The following KCNT2 variants were observed in gnomAD, a reference collection of about 807,000 sequenced individuals.
The protein encoded by KCNT2 is potassium sodium-activated channel subfamily T member 2, also known as potassium channel subfamily T member 2.
Under a neutral mutation model 153.8 loss-of-function variants are expected in KCNT2, and 67 were observed. The ratio of observed to expected loss-of-function variants is 0.44; its 90% CI spans 0.36 to 0.53. The LOEUF (loss-of-function observed/expected upper bound fraction) is 0.53. Among genes scored for constraint, KCNT2 ranks in the 20% least tolerant of loss-of-function variants. KCNT2 has a pLI of 0.00. For synonymous variants in KCNT2, 500 were observed against 458.8 expected, an observed-to-expected ratio of 1.09 and a Z score of -1.15; for missense variants, 975 against 1,354.8, an observed-to-expected ratio of 0.72 and a Z score of 4.40.
intron 14 of KCNT2, among the ~76,000 whole-genome samples, chr1:196,349,871 C>A (rs1415209889): frequency 6.6e-6 from 1 of 151,836 alleles, no homozygotes; most frequent in South Asian, 2.1e-4. Context: ...CCCCAGCCCA[C>A]AACAGTCCCC....
chr1:196,317,339 C>T (rs2148026474), intron 20 of KCNT2: 2 of 417,848 alleles, frequency 4.8e-6, no homozygotes, highest in African/African-American at 2.0e-5. Context: ...AACATCCAAC[C>T]ACTATGATGA....
At chr1:196,500,942 T>C (rs934536505) in intron 1 of KCNT2, among the ~76,000 whole-genome samples, 8 of 152,030 alleles carry the variant, frequency 5.3e-5, no homozygotes, top group Non-Finnish European at 1.0e-4. Flanking sequence ...GCCACAAACA[T>C]ATGCCACCAT....
At chr1:196,589,822 T>G (rs960526160) in intron 1 of KCNT2, among the ~76,000 whole-genome samples, 1 of 51,620 alleles carries the variant, frequency 1.9e-5, no homozygotes, top group Non-Finnish European at 8.7e-5. Context: ...TTTTAATTTA[T>G]GCATACAGAT....
chr1:196,286,364 G>C (rs1659656651), intron 22 of KCNT2, among the ~76,000 whole-genome samples: 1 of 152,014 alleles, frequency 6.6e-6, no homozygotes, highest in Non-Finnish European at 1.5e-5. Context: ...TATGAACTAG[G>C]AAATGGGCCC....
rs548695974 is a variant in KCNT2 at position 196,567,087 on chromosome 1, A to C, written c.95+41128T>G. On this transcript the variant is annotated intron_variant, in intron 1 of 27. Transcript: ENST00000294725. ...TTATCTATATAGTTCTTAATCAAAAACTTTACTTGATGCATATTAATTACA... is the reference window on the plus strand; with the variant it reads ...TTATCTATATAGTTCTTAATCAAAACCTTTACTTGATGCATATTAATTACA... Among the ~76,000 whole-genome samples, 4 of 152,236 alleles carry C rather than the reference A, an allele frequency of 2.6e-5. No homozygotes were observed. In the East Asian group the frequency reaches 7.7e-4, roughly 29 times the overall value.
chr1:196,596,054 G>GTATATATATATATATATA (rs766378425), intron 1 of KCNT2, among the ~76,000 whole-genome samples: 5 of 138,536 alleles, frequency 3.6e-5, no homozygotes, highest in African/African-American at 1.6e-4. Flanking sequence ...ATTCCATGAT[G>GTATATATATATATATATA]TGTATATATA....
intron 1 of KCNT2, among the ~76,000 whole-genome samples, chr1:196,581,025 C>T (rs893993898): frequency 6.6e-6 from 1 of 152,150 alleles, no homozygotes; most frequent in South Asian, 2.1e-4. Flanking sequence ...CAGGTAATTT[C>T]TTCTCAAGAA....
At chr1:196,558,904 A>G (rs1659033514) in intron 1 of KCNT2, among the ~76,000 whole-genome samples, 1 of 151,610 alleles carries the variant, frequency 6.6e-6, no homozygotes, top group South Asian at 2.1e-4. Flanking sequence ...AACTTTTAAG[A>G]AAAGGTGTAA....
chr1:196,414,712 T>C (rs1049289090), intron 12 of KCNT2, among the ~76,000 whole-genome samples: 16 of 151,956 alleles, frequency 1.1e-4, no homozygotes, highest in African/African-American at 3.9e-4. Flanking sequence ...TTGATTGTTA[T>C]ACCTTGTAAG....
At chr1:196,604,010 G>T (rs2149037627) in intron 1 of KCNT2, among the ~76,000 whole-genome samples, 1 of 152,326 alleles carries the variant, frequency 6.6e-6, no homozygotes, top group African/African-American at 2.4e-5. Flanking sequence ...CAGGCTTGGA[G>T]CAGTGGCTCC....
intron 1 of KCNT2, among the ~76,000 whole-genome samples, chr1:196,510,560 A>G (rs1457157454): frequency 6.6e-6 from 1 of 152,254 alleles, no homozygotes; most frequent in African/African-American, 2.4e-5. Context: ...CTTTCTGGAT[A>G]CAATTTATTT....
At chr1:196,386,292 A>G (rs750599122) in intron 13 of KCNT2, among the ~76,000 whole-genome samples, 3 of 152,172 alleles carry the variant, frequency 2.0e-5, no homozygotes. Flanking sequence ...TACTTCTCCC[A>G]AATTCCTGAC....
At chr1:196,435,899 G>A (rs1374438958) in intron 8 of KCNT2, among the ~76,000 whole-genome samples, 5 of 151,612 alleles carry the variant, frequency 3.3e-5, no homozygotes, top group Admixed American at 2.6e-4. Flanking sequence ...AGTTGAAATT[G>A]TTTAGAGGGG....
intron 1 of KCNT2, among the ~76,000 whole-genome samples, chr1:196,511,521 A>G (rs902074657): frequency 6.6e-6 from 1 of 152,124 alleles, no homozygotes; most frequent in African/African-American, 2.4e-5. Flanking sequence ...AGAGAGACAT[A>G]ATGAGACTTA....
chr1:196,312,698 C>T (rs1257651996), intron 21 of KCNT2, among the ~76,000 whole-genome samples: 1 of 151,678 alleles, frequency 6.6e-6, no homozygotes, highest in Non-Finnish European at 1.5e-5. Flanking sequence ...TACTAATCAA[C>T]GAATTAGAAA....
intron 12 of KCNT2, among the ~76,000 whole-genome samples, chr1:196,399,431 TA>T (rs1671229769): frequency 6.6e-6 from 1 of 151,756 alleles, no homozygotes. Flanking sequence ...TAACTAAACT[TA>T]AACAAAGTTA....
At chr1:196,443,972 G>T in intron 8 of KCNT2, among the ~76,000 whole-genome samples, 1 of 151,132 alleles carries the variant, frequency 6.6e-6, no homozygotes, top group East Asian at 2.0e-4. Flanking sequence ...TAAAATGTAA[G>T]ATATATTCCC....
intron 1 of KCNT2, among the ~76,000 whole-genome samples, chr1:196,564,380 G>T (rs1346904632): frequency 1.3e-5 from 2 of 151,774 alleles, no homozygotes; most frequent in Non-Finnish European, 3.0e-5. Context: ...AATATTGCAT[G>T]TTCATGGAAT....
chr1:196,257,558 A>G (rs1656624231), intron 26 of KCNT2: 1 of 922,854 alleles, frequency 1.1e-6, no homozygotes, highest in Non-Finnish European at 1.3e-6. Flanking sequence ...ATACACTGAT[A>G]AATGATATAT....
Sources: gnomAD v4.1 joint callset for allele counts (sites outside exome capture counted in the v4.1 genomes callset) on GRCh38, gnomAD v4.1.1 for gene constraint, MANE v1.5 for transcripts, NCBI Gene and HGNC (gene_info 2026-07-23, HGNC 2026-07-21) for gene names.